The following EPHA5 variants were observed in gnomAD, a reference collection of about 807,000 sequenced individuals.
EPHA5 encodes the protein EPH receptor A5.
In EPHA5, 60 loss-of-function variants were observed where a neutral mutation model predicts 105.0. That is an observed-to-expected ratio of 0.57 (90% CI 0.46 to 0.71). The LOEUF (loss-of-function observed/expected upper bound fraction) is 0.71. EPHA5 is among the 30% of genes least tolerant of loss of function. The pLI, the probability that EPHA5 is intolerant of heterozygous loss-of-function variation, is 0.00. For synonymous variants in EPHA5, 513 were observed against 449.1 expected (o/e 1.14, Z -1.80); for missense variants, 1,218 against 1,274.7 (o/e 0.96, Z 0.68).
chr4:65,540,686 TG>T (rs1397451164), intron 3 of EPHA5, among the ~76,000 whole-genome samples: 1 of 151,294 alleles, frequency 6.6e-6, no homozygotes, highest in Non-Finnish European at 1.5e-5. Context: ...AACCCCTGGC[TG>T]GTTTTACCTA....
chr4:65,458,827 G>A (rs1037426316), intron 5 of EPHA5, among the ~76,000 whole-genome samples: 37 of 151,950 alleles, frequency 2.4e-4, no homozygotes, highest in Non-Finnish European at 3.2e-4. Flanking sequence ...TTAGTGAACC[G>A]TTCATTTACA....
At chr4:65,634,420 A>G (rs1746926761) in intron 2 of EPHA5, among the ~76,000 whole-genome samples, 1 of 152,072 alleles carries the variant, frequency 6.6e-6, no homozygotes, top group Admixed American at 6.6e-5. Flanking sequence ...TGTCTTATAT[A>G]CAGAAGCAGA....
Position 65,495,508 on chromosome 4 carries a change from T to C in EPHA5, c.946A>G (p.Ile316Val). Residue 316 changes from isoleucine (I) to valine (V), a missense_variant, in exon 4 of 17, where the codon ATC becomes GTC. This residue lies in a region of EPHA5 where 971 missense variants were observed against 1,013.5 expected (regional missense o/e 0.96). Coordinates refer to ENST00000613740, the MANE Select transcript of EPHA5 (RefSeq NM_001281766.3). ...RPGFFKASPH[I>V]QSCGKCPPHS... ...GGTGGACATTTGCCGCAGCTCTGGA[T>C]GTGAGGTGAGGCTTTGAAGAACCCA... 6.2e-7 allele frequency: 1 copy of C among 1,613,812 alleles called. No homozygotes were observed. The highest frequency in any genetic ancestry group is 8.5e-7 in the Non-Finnish European group (1 of 1,179,776).
chr4:65,633,627 C>A (rs992743331), intron 2 of EPHA5, among the ~76,000 whole-genome samples: 1 of 151,432 alleles, frequency 6.6e-6, no homozygotes, highest in African/African-American at 2.4e-5. Context: ...TGGCAGAGAA[C>A]CACTTAGACA....
chr4:65,605,002 G>T (rs541398812), intron 2 of EPHA5, among the ~76,000 whole-genome samples: 2 of 152,278 alleles, frequency 1.3e-5, no homozygotes, highest in African/African-American at 4.8e-5. Context: ...GCAATATGAT[G>T]GCTGTAGCTC....
At chr4:65,457,505 G>T (rs554076280) in intron 5 of EPHA5, among the ~76,000 whole-genome samples, 7 of 151,912 alleles carry the variant, frequency 4.6e-5, no homozygotes, top group African/African-American at 7.3e-5. Flanking sequence ...TTTAATTTGA[G>T]AATATATTAT....
At chr4:65,378,037 G>T (rs1318637321) in intron 8 of EPHA5, among the ~76,000 whole-genome samples, 3 of 151,758 alleles carry the variant, frequency 2.0e-5, no homozygotes, top group Non-Finnish European at 4.4e-5. Flanking sequence ...ATCAAAAAAA[G>T]TAAACAAAAC....
Position 65,669,591 on chromosome 4 carries a change from CG to C in EPHA5, c.151del (p.Arg51GlyfsTer11). The part of the protein sequence containing the change: ...WTCLLLCAAL[R>X]TLLASPSNEV... ...GTTGCTGGGGCTGGCCAGGAGGGTCCGGAGTGCGGCGCACAGGAGAAGGCAC... is the reference window on the plus strand; with the variant it reads ...GTTGCTGGGGCTGGCCAGGAGGGTCCGAGTGCGGCGCACAGGAGAAGGCAC... On this transcript the variant is annotated frameshift_variant, in exon 1 of 17. Coordinates refer to ENST00000613740, the MANE Select transcript of EPHA5 (RefSeq NM_001281766.3). LOFTEE classifies it high-confidence loss of function. 7.0e-7 allele frequency: 1 copy of C among 1,432,114 alleles called. No homozygotes were observed. Among genetic ancestry groups the C allele is most frequent in the Non-Finnish European group, 9.2e-7 (1 of 1,087,980 alleles). 88.7% of individuals were successfully genotyped at this position (1,432,114 alleles called of 1,614,324 possible).
At chr4:65,512,358 G>A (rs1733707026) in intron 3 of EPHA5, among the ~76,000 whole-genome samples, 2 of 152,164 alleles carry the variant, frequency 1.3e-5, no homozygotes, top group South Asian at 4.1e-4. Context: ...ATAGACACAT[G>A]ATATGGTTTG....
chr4:65,401,159 C>A (rs1721782199), intron 8 of EPHA5, among the ~76,000 whole-genome samples: 1 of 151,880 alleles, frequency 6.6e-6, no homozygotes, highest in East Asian at 1.9e-4. Flanking sequence ...CTAGGACAAG[C>A]TTTTTAAAAT....
chr4:65,492,481 C>T (rs902835708), intron 4 of EPHA5, among the ~76,000 whole-genome samples: 6 of 142,026 alleles, frequency 4.2e-5, no homozygotes, highest in Admixed American at 7.7e-5. Context: ...AGATTACAGA[C>T]GTGAGCCACC....
At chr4:65,544,247 G>A (rs913346438) in intron 3 of EPHA5, among the ~76,000 whole-genome samples, 22 of 152,196 alleles carry the variant, frequency 1.4e-4, no homozygotes, top group African/African-American at 5.3e-4. Flanking sequence ...AAACTAAAGA[G>A]CTTCTGCACA....
chr4:65,530,256 TAAAG>T (rs1735639322), intron 3 of EPHA5, among the ~76,000 whole-genome samples: 1 of 152,074 alleles, frequency 6.6e-6, no homozygotes, highest in Non-Finnish European at 1.5e-5. Context: ...TCAGGTGAAA[TAAAG>T]AGATTACCAG....
Position 65,560,169 on chromosome 4 carries a change from A to C in EPHA5, c.910+41472T>G, listed in dbSNP as rs116934396. ...ATAAAGTTGATTATTTCCAGCAATT[A>C]CTCCCCAACACTTTCAGGAGATGAA... On this transcript the variant is annotated intron_variant, in intron 3 of 16. Coordinates refer to ENST00000613740, the MANE Select transcript of EPHA5 (RefSeq NM_001281766.3). Among the ~76,000 whole-genome samples the C allele has an allele frequency of 2.5e-3, 380 of 152,176 alleles. 6 individuals carry two copies. Among genetic ancestry groups the C allele is most frequent in the Admixed American group, 0.02 (302 of 15,260 alleles).
chr4:65,502,436 G>A (rs1403555712), intron 3 of EPHA5, among the ~76,000 whole-genome samples: 1 of 150,540 alleles, frequency 6.6e-6, no homozygotes, highest in Non-Finnish European at 1.5e-5. Flanking sequence ...CCATTAAAAA[G>A]CAGGCAAAAT....
chr4:65,578,914 C>T (rs1003976712), intron 3 of EPHA5, among the ~76,000 whole-genome samples: 1 of 151,728 alleles, frequency 6.6e-6, no homozygotes, highest in Non-Finnish European at 1.5e-5. Flanking sequence ...ATGCTAAAGA[C>T]CGCTATTAAA....
intron 5 of EPHA5, among the ~76,000 whole-genome samples, chr4:65,484,069 T>C (rs1730643400): frequency 6.6e-6 from 1 of 152,182 alleles, no homozygotes; most frequent in South Asian, 2.1e-4. Flanking sequence ...GCAATGTGGT[T>C]TCTCCACTAA....
At chr4:65,533,885 G>A (rs1170079330) in intron 3 of EPHA5, among the ~76,000 whole-genome samples, 1 of 151,672 alleles carries the variant, frequency 6.6e-6, no homozygotes, top group Admixed American at 6.6e-5. Flanking sequence ...AGTGAGATGA[G>A]ATCCCTCATT....
intron 7 of EPHA5, among the ~76,000 whole-genome samples, chr4:65,409,081 A>G (rs1184927535): frequency 1.4e-5 from 2 of 144,908 alleles, no homozygotes; most frequent in South Asian, 4.6e-4. Flanking sequence ...TCAGTAAACT[A>G]TCACAAGAAC....
Sources: allele counts gnomAD v4.1 joint callset (sites outside exome capture counted in the v4.1 genomes callset), GRCh38; gene constraint gnomAD v4.1.1; regional missense constraint gnomAD v4.1.1; transcripts MANE v1.5; gene names NCBI Gene and HGNC (gene_info 2026-07-23, HGNC 2026-07-21).